PARD3B: variants seen among roughly 807,000 people sequenced by gnomAD.
PARD3B encodes par-3 family cell polarity regulator beta.
A neutral mutation model predicts 130.2 loss-of-function variants in PARD3B; 103 were observed. The ratio of observed to expected loss-of-function variants is 0.79; its 90% CI spans 0.67 to 0.93. The LOEUF (loss-of-function observed/expected upper bound fraction) is 0.93, where lower values mean the gene tolerates loss of function less well. Ranked by LOEUF, PARD3B falls within the 40% of genes least tolerant of loss-of-function variation. The pLI, the probability that PARD3B is intolerant of heterozygous loss-of-function variation, is 0.00. For synonymous variants in PARD3B, 583 were observed against 553.2 expected (o/e 1.05, Z -0.76); for missense variants, 1,609 against 1,499.2 (o/e 1.07, Z -1.21).
intron 6 of PARD3B, among the ~76,000 whole-genome samples, chr2:205,118,485 A>AT (rs1180879336): frequency 1.3e-5 from 2 of 152,154 alleles, no homozygotes; most frequent in Admixed American, 6.5e-5. Context: ...TAAAATGCAA[A>AT]TTTTTAGAAT....
chr2:204,839,665 G>C (rs1291649032), intron 2 of PARD3B, among the ~76,000 whole-genome samples: 1 of 151,956 alleles, frequency 6.6e-6, no homozygotes, highest in Non-Finnish European at 1.5e-5. Context: ...GCCTCATTTT[G>C]TGTGTGCATT....
rs1225431665 is a variant in PARD3B, at chr2:204,673,649, C to T, written c.121-12532C>T. ...TCAAATGCCACTTTTTCATGGAGGCCGGGCCTGACCCCTTATTTAAAAATA... is the reference window on the plus strand; with the variant it reads ...TCAAATGCCACTTTTTCATGGAGGCTGGGCCTGACCCCTTATTTAAAAATA... On this transcript the variant is annotated intron_variant, in intron 1 of 22. Coordinates refer to ENST00000406610, the MANE Select transcript of PARD3B (RefSeq NM_001302769.2). This position sits in a 1 kb window ranked among gnomAD's most constrained non-coding sequence, Gnocchi z 4.7. 3.3e-5 allele frequency among the ~76,000 whole-genome samples: 5 copies of T among 152,156 alleles called. No individual in the cohort carries two copies. Among genetic ancestry groups the T allele is most frequent in the Admixed American group, 6.5e-5 (1 of 15,272 alleles).
intron 18 of PARD3B, among the ~76,000 whole-genome samples, chr2:205,349,307 A>C (rs2043906384): frequency 6.7e-6 from 1 of 148,748 alleles, no homozygotes. Context: ...CTAAATCTTC[A>C]AGGTAAAACC....
chr2:205,126,948 T>A (rs1486717651), intron 10 of PARD3B, among the ~76,000 whole-genome samples: 1 of 151,890 alleles, frequency 6.6e-6, no homozygotes, highest in African/African-American at 2.4e-5. Flanking sequence ...TTTCTTTTCT[T>A]ACCATAAATA....
chr2:205,185,532 TA>T (rs1355461392), intron 13 of PARD3B, among the ~76,000 whole-genome samples: 1 of 152,180 alleles, frequency 6.6e-6, no homozygotes, highest in African/African-American at 2.4e-5. Flanking sequence ...GTGGGTTTGC[TA>T]GGGGTTGCCT....
intron 20 of PARD3B, among the ~76,000 whole-genome samples, chr2:205,478,317 A>G (rs1462497346): frequency 2.0e-5 from 3 of 152,164 alleles, no homozygotes; most frequent in Non-Finnish European, 4.4e-5. Flanking sequence ...AATTTCCTTT[A>G]CTAGGCCCAA....
At chr2:205,549,001 C>T (rs2052499661) in intron 21 of PARD3B, among the ~76,000 whole-genome samples, 1 of 152,002 alleles carries the variant, frequency 6.6e-6, no homozygotes, top group African/African-American at 2.4e-5. Flanking sequence ...ATACATATGG[C>T]AAATAAGACT....
chr2:204,692,201 G>T (rs1319540768), intron 2 of PARD3B, among the ~76,000 whole-genome samples: 2 of 152,018 alleles, frequency 1.3e-5, no homozygotes, highest in Admixed American at 1.3e-4. Context: ...AATAATTTTT[G>T]CTATGTTTTT....
intron 2 of PARD3B, among the ~76,000 whole-genome samples, chr2:204,947,956 G>A (rs1689465558): frequency 1.3e-5 from 2 of 152,170 alleles, no homozygotes; most frequent in African/African-American, 2.4e-5. Flanking sequence ...GATGTAATGT[G>A]ACCAGATTTT....
At chr2:205,387,712 G>A (rs1055990479) in intron 18 of PARD3B, among the ~76,000 whole-genome samples, 2 of 152,186 alleles carry the variant, frequency 1.3e-5, no homozygotes, top group African/African-American at 2.4e-5. Context: ...GTTATTGGAG[G>A]TCACTTCAAT....
chr2:205,207,947 A>G (rs1308605495), intron 15 of PARD3B, among the ~76,000 whole-genome samples: 2 of 115,140 alleles, frequency 1.7e-5, no homozygotes, highest in Non-Finnish European at 3.5e-5. Flanking sequence ...ATCCTTGATA[A>G]ACATTGATGC....
At chr2:205,201,030 T>G (rs1209746092) in intron 15 of PARD3B, among the ~76,000 whole-genome samples, 1 of 152,180 alleles carries the variant, frequency 6.6e-6, no homozygotes, top group Admixed American at 6.5e-5. Flanking sequence ...TCATAACACA[T>G]TTACAGTTCC....
intron 2 of PARD3B, among the ~76,000 whole-genome samples, chr2:204,816,960 T>C (rs1224569740): frequency 1.3e-5 from 2 of 152,102 alleles, no homozygotes; most frequent in Non-Finnish European, 2.9e-5. Context: ...TGATTTCTAT[T>C]GCTATGTCTA....
intron 21 of PARD3B, among the ~76,000 whole-genome samples, chr2:205,505,305 G>T (rs1197602243): frequency 2.6e-5 from 4 of 152,084 alleles, no homozygotes; most frequent in African/African-American, 9.7e-5. Flanking sequence ...ACGAGTTGCT[G>T]GGTGCAGCAC....
At chr2:205,337,211 C>T (rs2043346102) in intron 18 of PARD3B, among the ~76,000 whole-genome samples, 1 of 152,174 alleles carries the variant, frequency 6.6e-6, no homozygotes, top group African/African-American at 2.4e-5. Context: ...TTGGTGAAGA[C>T]ATGCCTAGTT....
chr2:205,251,121 T>G (rs890221918), intron 16 of PARD3B, among the ~76,000 whole-genome samples: 1 of 152,156 alleles, frequency 6.6e-6, no homozygotes, highest in East Asian at 1.9e-4. Flanking sequence ...GATACATCTT[T>G]ACTTGCGTTG....
intron 10 of PARD3B, among the ~76,000 whole-genome samples, chr2:205,136,689 A>G (rs2032514222): frequency 6.6e-6 from 1 of 152,164 alleles, no homozygotes; most frequent in Admixed American, 6.5e-5. Context: ...CAGAAAAGCA[A>G]ACAAACAAAA....
intron 19 of PARD3B, among the ~76,000 whole-genome samples, chr2:205,424,493 G>C (rs562558789): frequency 2.0e-5 from 3 of 152,164 alleles, no homozygotes; most frequent in East Asian, 3.9e-4. Context: ...AGCACATGCT[G>C]TGTGGACAGC....
At chr2:205,543,805 G>T (rs908822620) in intron 21 of PARD3B, among the ~76,000 whole-genome samples, 7 of 152,162 alleles carry the variant, frequency 4.6e-5, no homozygotes, top group African/African-American at 1.7e-4. Flanking sequence ...ACCAGAACTT[G>T]CCAACTGGCT....
Sources: gnomAD v4.1 joint callset for allele counts (sites outside exome capture counted in the v4.1 genomes callset) on GRCh38, gnomAD v4.1.1 for gene constraint, Gnocchi (gnomAD v3.1) non-coding constraint, MANE v1.5 for transcripts, NCBI Gene and HGNC (gene_info 2026-07-23, HGNC 2026-07-21) for gene names.